The following PPP3CC variants were observed in gnomAD, a reference collection of about 807,000 sequenced individuals.
The protein encoded by PPP3CC is serine/threonine-protein phosphatase 2B catalytic subunit gamma isoform.
Under a neutral mutation model 60.3 loss-of-function variants are expected in PPP3CC, and 35 were observed. The observed-to-expected ratio is 0.58, with a 90% CI of 0.44 to 0.77. PPP3CC has a LOEUF of 0.77. Ranked by LOEUF, PPP3CC falls within the 30% of genes least tolerant of loss-of-function variation. PPP3CC has a pLI of 0.00. For synonymous variants in PPP3CC, 206 were observed against 224.3 expected, an observed-to-expected ratio of 0.92 and a Z score of 0.73; for missense variants, 570 against 628.9, an observed-to-expected ratio of 0.91 and a Z score of 1.00.
chr8:22,480,984 G>C (rs1437261365), intron 3 of PPP3CC, among the ~76,000 whole-genome samples: 2 of 152,186 alleles, frequency 1.3e-5, no homozygotes, highest in African/African-American at 4.8e-5. Context: ...GTTTGTCAAA[G>C]ATGTCAAAAG....
chr8:22,522,938 G>A (rs1334262190), intron 8 of PPP3CC, 189 bp downstream of exon 8: 5 of 500,972 alleles, frequency 1.0e-5, no homozygotes, highest in Non-Finnish European at 1.7e-5. Flanking sequence ...TATCTCCTAA[G>A]GATTACTGGC....
chr8:22,539,324 T>C (rs1372261682), intron 12 of PPP3CC, 145 bp from the exon 13 acceptor site: 3 of 647,870 alleles, frequency 4.6e-6, no homozygotes, highest in East Asian at 5.6e-5. Context: ...ATCTTCTCGC[T>C]TCTCTAACTA....
chr8:22,512,456 T>G (rs1235494547), intron 5 of PPP3CC, among the ~76,000 whole-genome samples: 1 of 152,232 alleles, frequency 6.6e-6, no homozygotes, highest in Non-Finnish European at 1.5e-5. Context: ...GACTAAAGGC[T>G]TAAGTTAATA....
At chr8:22,489,273 G>T (rs1251029083) in intron 3 of PPP3CC, among the ~76,000 whole-genome samples, 1 of 152,046 alleles carries the variant, frequency 6.6e-6, no homozygotes, top group African/African-American at 2.4e-5. Context: ...GAAAGTCTCA[G>T]TTGAATTGAT....
At chr8:22,474,535 G>C (rs1231964531) in intron 1 of PPP3CC, among the ~76,000 whole-genome samples, 1 of 151,806 alleles carries the variant, frequency 6.6e-6, no homozygotes, top group Non-Finnish European at 1.5e-5. Context: ...GAAACCCTGT[G>C]TCTACTAAAA....
At chr8:22,441,546 G>C in intron 1 of PPP3CC, 88 bp downstream of exon 1, 1 of 1,393,896 alleles carries the variant, frequency 7.2e-7, no homozygotes, top group East Asian at 2.9e-5. Flanking sequence ...GGCTGGGGCC[G>C]GGCTGCGCCC....
At chr8:22,450,417 C>G (rs1200023184) in intron 1 of PPP3CC, among the ~76,000 whole-genome samples, 2 of 152,138 alleles carry the variant, frequency 1.3e-5, no homozygotes, top group Admixed American at 6.5e-5. Flanking sequence ...CACCACTCAC[C>G]CATTTAGTCA....
At chr8:22,454,457 T>C (rs1037299648) in intron 1 of PPP3CC, among the ~76,000 whole-genome samples, 3 of 152,222 alleles carry the variant, frequency 2.0e-5, no homozygotes, top group African/African-American at 7.2e-5. Flanking sequence ...TTGTTGTTTT[T>C]GTTTTTTGAA....
intron 1 of PPP3CC, among the ~76,000 whole-genome samples, chr8:22,470,059 T>TACACACACACAC (rs55658283): frequency 6.8e-6 from 1 of 146,006 alleles, no homozygotes; most frequent in African/African-American, 2.5e-5. Flanking sequence ...TATATATATA[T>TACACACACACAC]ACACACACAC....
chr8:22,490,918 G>C (rs1323211516), intron 3 of PPP3CC, among the ~76,000 whole-genome samples: 1 of 152,096 alleles, frequency 6.6e-6, no homozygotes, highest in African/African-American at 2.4e-5. Flanking sequence ...AAACATATGT[G>C]TGCATGTGTC....
chr8:22,522,128 T>TAC (rs1176847563), intron 6 of PPP3CC, among the ~76,000 whole-genome samples: 2 of 119,230 alleles, frequency 1.7e-5, no homozygotes, highest in African/African-American at 3.6e-5. Context: ...TAGCATCTAC[T>TAC]ACACACACAC....
intron 8 of PPP3CC, 95 bp from the exon 9 acceptor site, chr8:22,527,297 C>T (rs1839583462): frequency 7.3e-7 from 1 of 1,377,266 alleles, no homozygotes; most frequent in Non-Finnish European, 9.9e-7. Context: ...GGAAAGTTCT[C>T]GAATTCTGTG....
chr8:22,441,364 C>A lies in PPP3CC; in HGVS notation c.-46C>A. 6.6e-7 allele frequency: 1 copy of A among 1,509,932 alleles called. No individual in the cohort carries two copies. Among genetic ancestry groups the A allele is most frequent in the Non-Finnish European group, 8.8e-7 (1 of 1,131,076 alleles). The allele number at this position is 1,509,932 out of a possible 1,614,324, so 93.5% of individuals were successfully genotyped here. On this transcript the variant is annotated 5_prime_UTR_variant, in exon 1 of 14. Transcript: ENST00000240139. ...GAGAAGGCGGCGGCCGCGGCGTAGG[C>A]GCACGTCCGGCGGGCTCCTGGAGCC...
At chr8:22,526,169 G>A (rs1312444115) in intron 8 of PPP3CC, among the ~76,000 whole-genome samples, 2 of 152,078 alleles carry the variant, frequency 1.3e-5, no homozygotes, top group African/African-American at 4.8e-5. Context: ...AGACTTCTTG[G>A]TATCTACAGG....
At chr8:22,521,711 T>C (rs1446600859) in intron 6 of PPP3CC, among the ~76,000 whole-genome samples, 2 of 152,166 alleles carry the variant, frequency 1.3e-5, no homozygotes, top group Non-Finnish European at 2.9e-5. Context: ...AAAAATAAAC[T>C]AAATAATTAA....
chr8:22,533,101 C>T (rs2117149969), intron 12 of PPP3CC, 83 bp downstream of exon 12: 1 of 1,028,160 alleles, frequency 9.7e-7, no homozygotes, highest in African/African-American at 1.7e-5. Context: ...GGGCTTTCCT[C>T]AGAAAATGCC....
chr8:22,531,482 G>A (rs1839715247), intron 10 of PPP3CC, among the ~76,000 whole-genome samples: 3 of 152,142 alleles, frequency 2.0e-5, no homozygotes, highest in Non-Finnish European at 4.4e-5. Flanking sequence ...GACCTGTTGC[G>A]TGATCTGGCA....
At chr8:22,539,435 G>A (rs778935250) in intron 12 of PPP3CC, 34 bp from the exon 13 acceptor site, 21 of 1,611,742 alleles carry the variant, frequency 1.3e-5, no homozygotes, top group Admixed American at 1.2e-4. Flanking sequence ...TTCTGTCTTC[G>A]TTTTTGCATG....
intron 1 of PPP3CC, among the ~76,000 whole-genome samples, chr8:22,453,455 T>G (rs1226694720): frequency 6.6e-6 from 1 of 152,152 alleles, no homozygotes; most frequent in Non-Finnish European, 1.5e-5. Context: ...TGTGAGAGCT[T>G]AGTTCCAGGA....
Sources: gnomAD v4.1 joint callset for allele counts (sites outside exome capture counted in the v4.1 genomes callset) on GRCh38, gnomAD v4.1.1 for gene constraint, MANE v1.5 for transcripts, NCBI Gene and HGNC (gene_info 2026-07-23, HGNC 2026-07-21) for gene names.